MGAT4C: variants seen among roughly 807,000 people sequenced by gnomAD.
MGAT4C encodes alpha-1,3-mannosyl-glycoprotein 4-beta-N-acetylglucosaminyltransferase C.
A neutral mutation model predicts 40.1 loss-of-function variants in MGAT4C; 19 were observed. That is an observed-to-expected ratio of 0.47 (90% CI 0.33 to 0.70). The LOEUF (loss-of-function observed/expected upper bound fraction) is 0.70. Ranked by LOEUF, MGAT4C falls within the 30% of genes least tolerant of loss-of-function variation. MGAT4C has a pLI of 0.02. For missense variants in MGAT4C, 491 were observed against 563.2 expected, an observed-to-expected ratio of 0.87 and a Z score of 1.30; for synonymous variants, 181 against 187.1, an observed-to-expected ratio of 0.97 and a Z score of 0.27.
intron 4 of MGAT4C, among the ~76,000 whole-genome samples, chr12:86,327,421 G>A (rs938290253): frequency 6.6e-6 from 1 of 151,850 alleles, no homozygotes; most frequent in African/African-American, 2.4e-5. Context: ...ACTTGCTTCA[G>A]CCTAGTCACC....
intron 1 of MGAT4C, among the ~76,000 whole-genome samples, chr12:86,741,068 T>G: frequency 6.6e-6 from 1 of 151,140 alleles, no homozygotes; most frequent in East Asian, 2.0e-4. Context: ...GTACTCAATG[T>G]TTAGCTCCCG....
intron 2 of MGAT4C, among the ~76,000 whole-genome samples, chr12:86,018,066 GT>G (rs1889273396): frequency 6.6e-6 from 1 of 152,064 alleles, no homozygotes; most frequent in Admixed American, 6.6e-5. Context: ...AATTCCTCCG[GT>G]TTCTGGAGTG....
At chr12:86,573,547 G>C (rs1406526673) in intron 2 of MGAT4C, among the ~76,000 whole-genome samples, 1 of 151,800 alleles carries the variant, frequency 6.6e-6, no homozygotes, top group Non-Finnish European at 1.5e-5. Context: ...CATTTTTATT[G>C]TACGTGTAGA....
chr12:86,763,975 C>G (rs577754215), intron 1 of MGAT4C, among the ~76,000 whole-genome samples: 3 of 152,232 alleles, frequency 2.0e-5, no homozygotes, highest in African/African-American at 7.2e-5. Context: ...ATCTGAGGTA[C>G]CGGGTTCATA....
intron 2 of MGAT4C, among the ~76,000 whole-genome samples, chr12:86,558,221 T>A (rs1205771652): frequency 6.6e-6 from 1 of 152,026 alleles, no homozygotes; most frequent in Non-Finnish European, 1.5e-5. Flanking sequence ...CATCATAAAG[T>A]GATAAAATAT....
intron 4 of MGAT4C, among the ~76,000 whole-genome samples, chr12:86,295,414 G>A (rs1367871322): frequency 6.6e-6 from 1 of 152,174 alleles, no homozygotes; most frequent in East Asian, 1.9e-4. Context: ...GTCTGGAGTT[G>A]TTCATTCCTC....
At chr12:86,457,195 T>C (rs997338389) in intron 2 of MGAT4C, among the ~76,000 whole-genome samples, 4 of 152,160 alleles carry the variant, frequency 2.6e-5, no homozygotes, top group Non-Finnish European at 4.4e-5. Context: ...CTTTTTATTA[T>C]AATAGAATTA....
Position 86,777,311 on chromosome 12 carries a change from T to C in MGAT4C, c.-261-50070A>G, listed in dbSNP as rs569301340. Among the ~76,000 whole-genome samples, 6 of 152,338 alleles carry C rather than the reference T, an allele frequency of 3.9e-5. No individual in the cohort carries two copies. The South Asian group carries it at 1.2e-3, about 32-fold the overall frequency. ...TATATTTACCATGGTTACAAAATAA[T>C]TTTTCTGATATATTCTGTTGAAACA... On this transcript the variant is annotated intron_variant, in intron 1 of 7. Coordinates refer to the MGAT4C transcript ENST00000548651.
intron 3 of MGAT4C, among the ~76,000 whole-genome samples, chr12:86,399,969 CA>C (rs1956327017): frequency 6.6e-6 from 1 of 152,128 alleles, no homozygotes; most frequent in Admixed American, 6.5e-5. Flanking sequence ...GCTGGTAGGT[CA>C]AAAGCACAGG....
At chr12:86,694,656 G>C (rs1052700939) in intron 2 of MGAT4C, among the ~76,000 whole-genome samples, 1 of 152,120 alleles carries the variant, frequency 6.6e-6, no homozygotes, top group African/African-American at 2.4e-5. Flanking sequence ...ATTACAGTAG[G>C]ATTTGAATTA....
At chr12:86,599,171 G>A (rs1425291387) in intron 2 of MGAT4C, among the ~76,000 whole-genome samples, 1 of 151,924 alleles carries the variant, frequency 6.6e-6, no homozygotes, top group African/African-American at 2.4e-5. Flanking sequence ...TAGAAGCTTA[G>A]ACAAAACCCA....
intron 1 of MGAT4C, among the ~76,000 whole-genome samples, chr12:86,073,771 C>T (rs1869083641): frequency 6.6e-6 from 1 of 152,154 alleles, no homozygotes; most frequent in African/African-American, 2.4e-5. Flanking sequence ...AACTAGCTTG[C>T]TTTTGATATT....
chr12:86,676,803 C>T (rs1964410944), intron 2 of MGAT4C, among the ~76,000 whole-genome samples: 1 of 151,986 alleles, frequency 6.6e-6, no homozygotes, highest in East Asian at 1.9e-4. Flanking sequence ...GAGAACAAGG[C>T]AGAGCATATA....
chr12:86,500,048 A>C (rs540083209), intron 2 of MGAT4C, among the ~76,000 whole-genome samples: 3 of 151,848 alleles, frequency 2.0e-5, no homozygotes, highest in Middle Eastern at 3.2e-3. Context: ...GAGCAGCCAA[A>C]GCTTAGAGGC....
At chr12:86,324,210 C>T (rs12320089) in intron 4 of MGAT4C, among the ~76,000 whole-genome samples, 2,094 of 151,952 alleles carry the variant, frequency 0.014, 62 homozygotes, top group African/African-American at 0.048. Flanking sequence ...TTTTAGTTAT[C>T]TATCTTACAA....
At chr12:86,587,670 T>A (rs1346313855) in intron 2 of MGAT4C, among the ~76,000 whole-genome samples, 1 of 152,052 alleles carries the variant, frequency 6.6e-6, no homozygotes, top group Non-Finnish European at 1.5e-5. Context: ...TCATGTCCCT[T>A]GTAAGGTGGA....
intron 1 of MGAT4C, among the ~76,000 whole-genome samples, chr12:86,196,147 C>CCT (rs368921904): frequency 6.6e-6 from 1 of 151,670 alleles, no homozygotes; most frequent in East Asian, 1.9e-4. Flanking sequence ...TCTGGTGAGG[C>CCT]CTCTCTCTCT....
At chr12:86,458,623 T>C (rs1957546987) in intron 2 of MGAT4C, among the ~76,000 whole-genome samples, 1 of 152,176 alleles carries the variant, frequency 6.6e-6, no homozygotes, top group African/African-American at 2.4e-5. Flanking sequence ...AAAGACCGTA[T>C]TAAGAGAATG....
intron 1 of MGAT4C, among the ~76,000 whole-genome samples, chr12:86,764,197 C>A (rs998822454): frequency 6.6e-6 from 1 of 152,148 alleles, no homozygotes; most frequent in Non-Finnish European, 1.5e-5. Context: ...AAAAACGGTG[C>A]ACCAGGAGAT....
Sources: allele counts gnomAD v4.1 joint callset (sites outside exome capture counted in the v4.1 genomes callset), GRCh38; gene constraint gnomAD v4.1.1; transcripts MANE v1.5; gene names NCBI Gene and HGNC (gene_info 2026-07-23, HGNC 2026-07-21).